The following ANKRD12 variants were observed in gnomAD, a reference collection of about 807,000 sequenced individuals.
ANKRD12 encodes ankyrin repeat domain 12, also known as ankyrin repeat domain-containing protein 12.
In ANKRD12, 85 loss-of-function variants were observed where a neutral mutation model predicts 183.4. That is an observed-to-expected ratio of 0.46 (90% CI 0.39 to 0.56). ANKRD12 has a LOEUF of 0.56. Among genes scored for constraint, ANKRD12 ranks in the 20% least tolerant of loss-of-function variants. ANKRD12 has a pLI of 0.00. For synonymous variants in ANKRD12, 914 were observed against 800.2 expected (o/e 1.14, Z -2.40); for missense variants, 2,405 against 2,357.1 (o/e 1.02, Z -0.42).
chr18:9,203,612 A>ATTT (rs1435814235), intron 3 of ANKRD12, among the ~76,000 whole-genome samples: 1 of 151,112 alleles, frequency 6.6e-6, no homozygotes, highest in African/African-American at 2.5e-5. Context: ...TATTATTATT[A>ATTT]TTATTTTTTA....
At chr18:9,141,145 G>T (rs948542313) in intron 1 of ANKRD12, among the ~76,000 whole-genome samples, 4 of 152,008 alleles carry the variant, frequency 2.6e-5, no homozygotes, top group Admixed American at 6.6e-5. Context: ...AAAAAGAAAA[G>T]AAGTACCTTA....
chr18:9,258,259 A>G lies in ANKRD12; in HGVS notation c.4992A>G (p.Leu1664=), dbSNP rs922319089. ...ATGCAGGGATGCCAAAAGGAAACCT[A>G]AATGAACAAGATCCAAAACATTGTC... ...EMNAGMPKGN[L]NEQDPKHCPE... Residue 1664 remains leucine, a synonymous_variant, in exon 9 of 13, where the codon CTA becomes CTG. Transcript: ENST00000262126. 1.9e-6 allele frequency: 3 copies of G among 1,613,682 alleles called. No homozygotes were observed. The highest frequency in any genetic ancestry group is 2.5e-6 in the Non-Finnish European group (3 of 1,179,962).
At chr18:9,169,881 T>G (rs1016787644) in intron 1 of ANKRD12, among the ~76,000 whole-genome samples, 24 of 152,230 alleles carry the variant, frequency 1.6e-4, no homozygotes, top group South Asian at 2.1e-4. Context: ...TAGTGCTTCC[T>G]TCAGGAGCTC....
intron 1 of ANKRD12, among the ~76,000 whole-genome samples, chr18:9,148,333 C>CATGTAT (rs142724036): frequency 6.6e-6 from 1 of 151,884 alleles, no homozygotes; most frequent in African/African-American, 2.4e-5. Context: ...TACACACACA[C>CATGTAT]GTATGTATGT....
intron 1 of ANKRD12, among the ~76,000 whole-genome samples, chr18:9,164,962 C>T (rs1290650118): frequency 1.3e-5 from 2 of 152,146 alleles, no homozygotes; most frequent in Non-Finnish European, 2.9e-5. Flanking sequence ...TGTTAATTTT[C>T]TGTCTCTATG....
In ANKRD12 at chr18:9,284,513, C is replaced by G. The variant is rs1394012396; in HGVS notation, c.*3387C>G. On this transcript the variant is annotated 3_prime_UTR_variant, in exon 13 of 13. Transcript: ENST00000262126. ...TTAAACAGTTTAAAGGAAGCATTTT[C>G]ACCGTTTGTAAAAATTATTTTTAAA... is the stretch of plus-strand genomic sequence containing the variant. 1 of 152,094 alleles carries G rather than the reference C, an allele frequency of 6.6e-6. No homozygotes were observed. The highest frequency in any genetic ancestry group is 1.5e-5 in the Non-Finnish European group (1 of 68,016). 9.4% of individuals were successfully genotyped at this position (152,094 alleles called of 1,614,324 possible).
At chr18:9,208,607 T>G (rs2035614558) in intron 4 of ANKRD12, 50 bp from the exon 5 acceptor site, 1 of 1,534,364 alleles carries the variant, frequency 6.5e-7, no homozygotes, top group East Asian at 2.3e-5. Context: ...AACTTGCTTT[T>G]GAGTACTTGG....
At chr18:9,199,971 C>A (rs1247040885) in intron 3 of ANKRD12, among the ~76,000 whole-genome samples, 5 of 152,014 alleles carry the variant, frequency 3.3e-5, no homozygotes, top group Non-Finnish European at 7.4e-5. Context: ...AGATAATGGT[C>A]ATATGTTACT....
intron 1 of ANKRD12, among the ~76,000 whole-genome samples, chr18:9,175,470 G>A (rs564427121): frequency 2.1e-5 from 3 of 145,474 alleles, no homozygotes; most frequent in African/African-American, 7.6e-5. Flanking sequence ...CACAGAAATG[G>A]TCCCAAGGCT....
chr18:9,217,028 A>T, intron 7 of ANKRD12, 128 bp downstream of exon 7: 1 of 865,890 alleles, frequency 1.2e-6, no homozygotes, highest in Non-Finnish European at 1.7e-6. Context: ...CAACTCATCT[A>T]TATTTTGTTT....
Position 9,281,964 on chromosome 18 carries a change from C to A in ANKRD12, c.*838C>A, listed in dbSNP as rs1421898008. On this transcript the variant is annotated 3_prime_UTR_variant, in exon 13 of 13. Coordinates refer to ENST00000262126, the MANE Select transcript of ANKRD12 (RefSeq NM_015208.5). The stretch of plus-strand genomic sequence containing the variant: ...GTAGTGTAAGGCATTTCATACTAGT[C>A]TCCTCTAGTAGACCTGTGACTTACT... The A allele has an allele frequency of 6.6e-6, 1 of 152,574 alleles. No homozygotes were observed. Among genetic ancestry groups the A allele is most frequent in the East Asian group, 1.9e-4 (1 of 5,202 alleles). 9.5% of individuals were successfully genotyped at this position (152,574 alleles called of 1,614,324 possible).
At chr18:9,250,153 C>CT (rs1409724258) in intron 8 of ANKRD12, 1 of 152,200 alleles carries the variant, frequency 6.6e-6, no homozygotes, top group Non-Finnish European at 1.5e-5. Context: ...TTGATTACAA[C>CT]TAGTTACAGG....
intron 1 of ANKRD12, among the ~76,000 whole-genome samples, chr18:9,172,550 C>T (rs142050176): frequency 6.1e-4 from 93 of 152,268 alleles, no homozygotes; most frequent in African/African-American, 2.1e-3. Flanking sequence ...AATTTCTCAT[C>T]TTGTGTTTCT....
At chr18:9,213,053 A>G (rs541300325) in intron 6 of ANKRD12, among the ~76,000 whole-genome samples, 1 of 152,002 alleles carries the variant, frequency 6.6e-6, no homozygotes, top group East Asian at 1.9e-4. Context: ...TTATTGTACT[A>G]CAGTTTTCAT....
At chr18:9,224,365 C>G (rs2036593480) in intron 8 of ANKRD12, among the ~76,000 whole-genome samples, 4 of 151,578 alleles carry the variant, frequency 2.6e-5, no homozygotes. Context: ...GGTTGCCATA[C>G]TGTTAAAATG....
chr18:9,204,606 A>G (rs1045793913), intron 4 of ANKRD12, 62 bp downstream of exon 4: 25 of 1,228,956 alleles, frequency 2.0e-5, no homozygotes, highest in Non-Finnish European at 2.9e-5. Context: ...ACAATTAATT[A>G]TTGTACTATA....
At position 9,258,090 on chromosome 18, in the gene ANKRD12, A is replaced by T; in HGVS notation, c.4823A>T (p.Lys1608Ile). 3 of 1,613,366 alleles carry T rather than the reference A, an allele frequency of 1.9e-6. No individual in the cohort carries two copies. Among genetic ancestry groups the T allele is most frequent in the Admixed American group, 1.7e-5 (1 of 60,004 alleles). The change falls in exon 9 of 13, where the codon AAA becomes ATA. Residue 1608 changes from lysine to isoleucine, a missense_variant. This residue lies in a region of ANKRD12 where 1,983 missense variants were observed against 1,725.9 expected (regional missense o/e 1.15). Coordinates refer to ENST00000262126, the MANE Select transcript of ANKRD12 (RefSeq NM_015208.5). ...TQLNTHYAFS[K>I]LTYKSSSGHE... ...CTAAATACACATTATGCATTTAGCA[A>T]ACTAACTTACAAGTCTTCCAGTGGC... is the stretch of plus-strand genomic sequence containing the variant.
intron 6 of ANKRD12, among the ~76,000 whole-genome samples, chr18:9,215,899 C>G (rs1377247111): frequency 6.6e-6 from 1 of 151,922 alleles, no homozygotes; most frequent in African/African-American, 2.4e-5. Context: ...TAATAGGTGA[C>G]TTGATGGAGT....
At chr18:9,248,326 T>A (rs919904313) in intron 8 of ANKRD12, among the ~76,000 whole-genome samples, 3 of 152,256 alleles carry the variant, frequency 2.0e-5, no homozygotes, top group Non-Finnish European at 4.4e-5. Context: ...TGACATAAAC[T>A]TGCTGTACAA....
Sources: allele counts gnomAD v4.1 joint callset (sites outside exome capture counted in the v4.1 genomes callset), GRCh38; gene constraint gnomAD v4.1.1; regional missense constraint gnomAD v4.1.1; transcripts MANE v1.5; gene names NCBI Gene and HGNC (gene_info 2026-07-23, HGNC 2026-07-21).